HELZ: variants seen among roughly 807,000 people sequenced by gnomAD.
HELZ encodes ATP-dependent RNA helicase with zinc finger domain.
In HELZ, 23 loss-of-function variants were observed where a neutral mutation model predicts 218.2. That is an observed-to-expected ratio of 0.11 (90% CI 0.08 to 0.15). HELZ has a LOEUF of 0.15. Ranked by LOEUF, HELZ falls within the 10% of genes least tolerant of loss-of-function variation. The pLI is 1.00. For missense variants in HELZ, 1,813 were observed against 2,353.7 expected, an observed-to-expected ratio of 0.77 and a Z score of 4.75; for synonymous variants, 814 against 829.4, an observed-to-expected ratio of 0.98 and a Z score of 0.32.
Position 67,148,696 on chromosome 17 carries a change from T to C in HELZ, c.2494A>G (p.Ser832Gly). 1 of 1,613,274 alleles carries C rather than the reference T, an allele frequency of 6.2e-7. No homozygotes were observed. The highest frequency in any genetic ancestry group is 8.5e-7 in the Non-Finnish European group (1 of 1,179,576). Reference protein sequence around the residue: ...DHMQLSPFVYSEFARERNLHV... With the variant: ...DHMQLSPFVYGEFARERNLHV... The stretch of plus-strand genomic sequence containing the variant: ...AGGTTTCTCTCCCTGGCAAACTCGC[T>C]GTAAACAAAAGGACTGAGCTGTAAC... The change falls in exon 20 of 33, where the codon AGC becomes GGC. Residue 832 changes from serine to glycine, a missense_variant. Ser to Gly is a moderately conservative substitution (Grantham distance 56). This residue lies in a region of HELZ where 714 missense variants were observed against 1,029.2 expected (regional missense o/e 0.69). Transcript: ENST00000358691.
chr17:67,081,795 T>C (rs530643427), intron 32 of HELZ, among the ~76,000 whole-genome samples: 2 of 152,206 alleles, frequency 1.3e-5, no homozygotes, highest in South Asian at 2.1e-4. Context: ...TCTGTATGTG[T>C]ATGTGGGGCG....
chr17:67,101,034 C>T (rs914749090), intron 31 of HELZ, among the ~76,000 whole-genome samples: 4 of 148,974 alleles, frequency 2.7e-5, no homozygotes, highest in South Asian at 2.2e-4. Flanking sequence ...GGCATGAACC[C>T]GGGAGGCGGA....
intron 32 of HELZ, among the ~76,000 whole-genome samples, chr17:67,084,701 G>T (rs1359565127): frequency 2.0e-5 from 3 of 151,456 alleles, no homozygotes; most frequent in African/African-American, 7.3e-5. Context: ...GAAGAGAAAT[G>T]ATGTTATCGT....
intron 21 of HELZ, among the ~76,000 whole-genome samples, chr17:67,139,102 A>C (rs1211301258): frequency 6.6e-6 from 1 of 151,754 alleles, no homozygotes; most frequent in Non-Finnish European, 1.5e-5. Flanking sequence ...ATTTTAATTT[A>C]TAATATTAAA....
chr17:67,127,841 CAAA>C (rs5821488), intron 24 of HELZ, among the ~76,000 whole-genome samples: 1 of 117,950 alleles, frequency 8.5e-6, no homozygotes, highest in Non-Finnish European at 1.9e-5. Context: ...GATCCCCTCT[CAAA>C]AAAAAAAAAA....
chr17:67,244,827 G>C, intron 1 of HELZ: 2 of 985,490 alleles, frequency 2.0e-6, no homozygotes, highest in Non-Finnish European at 2.4e-6. Context: ...GAGTGCTCTG[G>C]GCCGGAGAAA....
At chr17:67,136,243 G>T in intron 22 of HELZ, 45 bp from the exon 23 acceptor site, 1 of 1,231,142 alleles carries the variant, frequency 8.1e-7, no homozygotes, top group Non-Finnish European at 1.2e-6. Flanking sequence ...TTGTCATTCT[G>T]AACCACTGAT....
rs1164143116 is a variant in HELZ, at chr17:67,109,191, C to T, written c.4414G>A (p.Gly1472Ser). 1.6e-5 allele frequency: 26 copies of T among 1,613,924 alleles called. No individual in the cohort carries two copies. Among genetic ancestry groups the T allele is most frequent in the Middle Eastern group, 1.7e-4 (1 of 6,050 alleles). The change falls in exon 29 of 33, where the codon GGC (glycine) becomes AGC (serine). Residue 1472 changes from glycine (G) to serine (S), a missense_variant. Around this residue, in one of 4 missense-constraint regions of HELZ, gnomAD observed 938 missense variants for 1,027.5 expected, o/e 0.91. Transcript: ENST00000358691. ...HSPLRAIAQP[G>S]PILPSHLNSF... ...TTCAGATGTGAAGGAAGAATGGGGC[C>T]GGGTTGTGCAATGGCTCTCAGAGGA...
At chr17:67,144,060 C>T (rs767940340) in intron 21 of HELZ, among the ~76,000 whole-genome samples, 3 of 152,092 alleles carry the variant, frequency 2.0e-5, no homozygotes, top group Admixed American at 6.6e-5. Context: ...TTTTCCCCTA[C>T]GAATGTAACT....
intron 31 of HELZ, among the ~76,000 whole-genome samples, chr17:67,093,576 C>T (rs750439081): frequency 7.5e-4 from 114 of 152,320 alleles, no homozygotes; most frequent in Non-Finnish European, 1.2e-3. Flanking sequence ...CAGCGCCTTG[C>T]CATGGGAGCT....
At chr17:67,200,865 A>G (rs1262552184) in intron 7 of HELZ, 7 of 379,394 alleles carry the variant, frequency 1.8e-5, no homozygotes, top group Non-Finnish European at 2.8e-5. Flanking sequence ...TGTTGTCCAG[A>G]GACAGCTAAT....
chr17:67,169,477 T>A (rs577637844), intron 13 of HELZ, among the ~76,000 whole-genome samples: 3 of 152,148 alleles, frequency 2.0e-5, no homozygotes, highest in Admixed American at 6.5e-5. Flanking sequence ...CCCACTCTCA[T>A]GATAAGGAGC....
chr17:67,160,433 A>G, intron 16 of HELZ, 71 bp from the exon 17 acceptor site: 1 of 1,031,172 alleles, frequency 9.7e-7, no homozygotes, highest in Non-Finnish European at 1.5e-6. Context: ...TAATACCAAA[A>G]AAAAAAGCAG....
At chr17:67,154,132 A>T (rs1402001792) in intron 17 of HELZ, among the ~76,000 whole-genome samples, 3 of 152,236 alleles carry the variant, frequency 2.0e-5, no homozygotes, top group Non-Finnish European at 1.5e-5. Context: ...AAAAAGAGTA[A>T]TTATTAATAT....
At chr17:67,136,312 A>T in intron 22 of HELZ, 114 bp from the exon 23 acceptor site, 1 of 715,366 alleles carries the variant, frequency 1.4e-6, no homozygotes, top group Admixed American at 2.8e-5. Flanking sequence ...ATTGGCGAAG[A>T]TGTGGAGAAA....
chr17:67,180,113 C>T (rs2039566057), intron 12 of HELZ, among the ~76,000 whole-genome samples: 1 of 152,098 alleles, frequency 6.6e-6, no homozygotes. Flanking sequence ...TTTTATTTCT[C>T]AAAGGGCAAC....
At chr17:67,161,861 G>A (rs2039003056) in intron 15 of HELZ, among the ~76,000 whole-genome samples, 1 of 152,092 alleles carries the variant, frequency 6.6e-6, no homozygotes, top group South Asian at 2.1e-4. Flanking sequence ...AAACTGAGTG[G>A]AGAATCAACA....
intron 31 of HELZ, among the ~76,000 whole-genome samples, chr17:67,104,431 G>A (rs1446232602): frequency 1.5e-5 from 2 of 133,424 alleles, no homozygotes; most frequent in Non-Finnish European, 3.2e-5. Flanking sequence ...AGAGCGAGAC[G>A]CCATTTCAAA....
In HELZ at chr17:67,108,763, G is replaced by C. The variant is rs759132033; in HGVS notation, c.4490-37C>G. On this transcript the variant is annotated intron_variant, in intron 29 of 32. Coordinates refer to ENST00000358691, the MANE Select transcript of HELZ (RefSeq NM_014877.4). This position sits in a 1 kb window ranked among gnomAD's most constrained non-coding sequence, Gnocchi z 4.1. ...TTTGTGAAAAATTTTTTATGAATTT[G>C]GGGTTTCAAGTTCATTATTTAAAGT... 1 of 1,445,754 alleles carries C rather than the reference G, an allele frequency of 6.9e-7. No homozygotes were observed. The highest frequency in any genetic ancestry group is 1.3e-5 in the South Asian group (1 of 74,638). The allele number at this position is 1,445,754 out of a possible 1,614,324, so 89.6% of individuals were successfully genotyped here. A position where few individuals can be genotyped will look rare whatever the true frequency, so the allele number is the denominator to read the frequency against.
Sources: allele counts gnomAD v4.1 joint callset (sites outside exome capture counted in the v4.1 genomes callset), GRCh38; gene constraint gnomAD v4.1.1; regional missense constraint gnomAD v4.1.1; non-coding constraint Gnocchi (gnomAD v3.1); transcripts MANE v1.5; gene names NCBI Gene and HGNC (gene_info 2026-07-23, HGNC 2026-07-21).